The following HS3ST5 variants were observed in gnomAD, a reference collection of about 807,000 sequenced individuals.
The protein encoded by HS3ST5 is heparan sulfate glucosamine 3-O-sulfotransferase 5.
Under a neutral mutation model 25.4 loss-of-function variants are expected in HS3ST5, and 10 were observed. The observed-to-expected ratio is 0.39, with a 90% confidence interval of 0.24 to 0.67. HS3ST5 has a LOEUF of 0.67. Among genes scored for constraint, HS3ST5 ranks in the 30% least tolerant of loss-of-function variants. The pLI is 0.44. For missense variants in HS3ST5, 324 were observed against 420.7 expected (o/e 0.77, Z 2.01); for synonymous variants, 170 against 162.4 (o/e 1.05, Z -0.36).
At chr6:114,059,251 T>A (rs1772952232) in intron 4 of HS3ST5, 2 of 152,200 alleles carry the variant, frequency 1.3e-5, no homozygotes, top group African/African-American at 4.8e-5. Flanking sequence ...TCCCCTAAGT[T>A]GATCTGTGAG....
Position 114,315,949 on chromosome 6 carries a change from T to C in HS3ST5, c.-339+26246A>G, listed in dbSNP as rs546671641. Among the ~76,000 whole-genome samples, 49 of 152,328 alleles carry C rather than the reference T, an allele frequency of 3.2e-4. No homozygotes were observed. The South Asian group carries it at 3.7e-3, about 12-fold the overall frequency. ...TTGGGAAGTGTATCTCTGAGTTTACTGCGCCTCACTGGTTTCAGCTCAATT... is the reference window on the plus strand; with the variant it reads ...TTGGGAAGTGTATCTCTGAGTTTACCGCGCCTCACTGGTTTCAGCTCAATT... On this transcript the variant is annotated intron_variant, in intron 1 of 4. Coordinates refer to ENST00000312719, the MANE Select transcript of HS3ST5 (RefSeq NM_153612.4).
chr6:114,073,129 A>G (rs1237743884), intron 3 of HS3ST5, among the ~76,000 whole-genome samples: 1 of 152,230 alleles, frequency 6.6e-6, no homozygotes, highest in East Asian at 1.9e-4. Context: ...CTTACACCTT[A>G]TACAAAAATT....
intron 3 of HS3ST5, among the ~76,000 whole-genome samples, chr6:114,102,796 C>T (rs1421193416): frequency 2.0e-5 from 3 of 152,220 alleles, no homozygotes; most frequent in South Asian, 2.1e-4. Context: ...TTTTTAAGCA[C>T]GCATTACAGA....
chr6:114,325,389 A>G (rs1776133639), intron 1 of HS3ST5, among the ~76,000 whole-genome samples: 1 of 152,216 alleles, frequency 6.6e-6, no homozygotes, highest in Non-Finnish European at 1.5e-5. Flanking sequence ...TAACTTTCAA[A>G]AACATGTTAG....
At chr6:114,317,802 C>CGGGGGGGGGGGGGGG (rs35127490) in intron 1 of HS3ST5, among the ~76,000 whole-genome samples, 1 of 68,566 alleles carries the variant, frequency 1.5e-5, no homozygotes, top group Non-Finnish European at 2.6e-5. Flanking sequence ...AGGCGGGGGG[C>CGGGGGGGGGGGGGGG]GGGGGGGTAG....
At chr6:114,233,885 T>G (rs976845210) in intron 1 of HS3ST5, among the ~76,000 whole-genome samples, 1 of 152,200 alleles carries the variant, frequency 6.6e-6, no homozygotes, top group Non-Finnish European at 1.5e-5. Flanking sequence ...AGAGAAATAT[T>G]TCCCAGAGTA....
chr6:114,168,034 C>T (rs985650101), intron 3 of HS3ST5, among the ~76,000 whole-genome samples: 1 of 152,008 alleles, frequency 6.6e-6, no homozygotes, highest in African/African-American at 2.4e-5. Context: ...ATAACTTCAG[C>T]TTGACAAAAA....
At chr6:114,161,937 ATC>A (rs1778994239) in intron 3 of HS3ST5, among the ~76,000 whole-genome samples, 1 of 152,076 alleles carries the variant, frequency 6.6e-6, no homozygotes, top group Non-Finnish European at 1.5e-5. Flanking sequence ...TCTAGACTTA[ATC>A]AATTCACATT....
At chr6:114,225,034 C>T (rs988867864) in intron 2 of HS3ST5, among the ~76,000 whole-genome samples, 2 of 151,820 alleles carry the variant, frequency 1.3e-5, no homozygotes, top group Admixed American at 6.6e-5. Context: ...CTAGCCTTTA[C>T]ACCTTGAAGG....
intron 1 of HS3ST5, among the ~76,000 whole-genome samples, chr6:114,260,323 T>C (rs901319234): frequency 2.0e-5 from 3 of 152,196 alleles, no homozygotes; most frequent in African/African-American, 7.2e-5. Flanking sequence ...CACATTTTCC[T>C]CAGAGATATG....
At position 114,335,123 on chromosome 6, in the gene HS3ST5, T is replaced by A. The variant is rs183495156; in HGVS notation, c.-339+7072A>T. ...AAATATGGGCTTCAGAGACAGATGG[T>A]GTGGGTGAGGATCATGGCTCCACCC... On this transcript the variant is annotated intron_variant, in intron 1 of 4. Coordinates refer to ENST00000312719, the MANE Select transcript of HS3ST5 (RefSeq NM_153612.4). Among the ~76,000 whole-genome samples, 3 of 152,182 alleles carry A rather than the reference T, an allele frequency of 2.0e-5. No homozygotes were observed. In the East Asian group the frequency reaches 5.8e-4, roughly 29 times the overall value.
chr6:114,210,107 A>G (rs1158955499), intron 2 of HS3ST5, among the ~76,000 whole-genome samples: 1 of 152,224 alleles, frequency 6.6e-6, no homozygotes, highest in Non-Finnish European at 1.5e-5. Flanking sequence ...AACCAGATGA[A>G]ATAAAATGGA....
chr6:114,208,191 C>T (rs949156378), intron 2 of HS3ST5, among the ~76,000 whole-genome samples: 3 of 152,152 alleles, frequency 2.0e-5, no homozygotes, highest in African/African-American at 7.2e-5. Context: ...TGGGGACACC[C>T]CAATGTTTTG....
intron 1 of HS3ST5, among the ~76,000 whole-genome samples, chr6:114,249,704 GGGGAGCCAGC>G (rs1772555540): frequency 6.6e-6 from 1 of 152,158 alleles, no homozygotes; most frequent in Non-Finnish European, 1.5e-5. Context: ...GGACAGCTCT[GGGGAGCCAGC>G]TAAGTCAAGA....
chr6:114,200,216 TAAAAACAAAAAC>T (rs528005213), intron 2 of HS3ST5, among the ~76,000 whole-genome samples: 3 of 152,056 alleles, frequency 2.0e-5, no homozygotes, highest in South Asian at 2.1e-4. Flanking sequence ...AAACTTCAAC[TAAAAACAAAAAC>T]AAAAACAAAA....
At chr6:114,160,702 A>T (rs2114981126) in intron 3 of HS3ST5, among the ~76,000 whole-genome samples, 1 of 152,320 alleles carries the variant, frequency 6.6e-6, no homozygotes, top group Admixed American at 6.5e-5. Flanking sequence ...AAAAAGAAAT[A>T]AATAATATCT....
chr6:114,171,221 T>G (rs1275459672), intron 2 of HS3ST5, among the ~76,000 whole-genome samples: 1 of 152,212 alleles, frequency 6.6e-6, no homozygotes, highest in Non-Finnish European at 1.5e-5. Context: ...AACCACTGCT[T>G]TTAGCAAATG....
chr6:114,103,149 T>C (rs1406718639), intron 3 of HS3ST5, among the ~76,000 whole-genome samples: 2 of 152,204 alleles, frequency 1.3e-5, no homozygotes, highest in African/African-American at 2.4e-5. Flanking sequence ...TCTTCTTCCC[T>C]AGCAGTGTTT....
chr6:114,257,272 C>A (rs556162550), intron 1 of HS3ST5, among the ~76,000 whole-genome samples: 1 of 152,024 alleles, frequency 6.6e-6, no homozygotes, highest in Non-Finnish European at 1.5e-5. Flanking sequence ...AGGTTTTTAA[C>A]GTAGAAAAAT....
Sources: allele counts gnomAD v4.1 joint callset (sites outside exome capture counted in the v4.1 genomes callset), GRCh38; gene constraint gnomAD v4.1.1; transcripts MANE v1.5; gene names NCBI Gene and HGNC (gene_info 2026-07-23, HGNC 2026-07-21).